NLRP1: variants seen among roughly 807,000 people sequenced by gnomAD.
NLRP1 encodes the protein NLR family pyrin domain containing 1.
A neutral mutation model predicts 136.7 loss-of-function variants in NLRP1; 94 were observed. That is an observed-to-expected ratio of 0.69 (90% CI 0.58 to 0.82). NLRP1 has a LOEUF of 0.82. Among genes scored for constraint, NLRP1 ranks in the 40% least tolerant of loss-of-function variants. NLRP1 has a pLI of 0.00. For missense variants in NLRP1, 1,575 were observed against 1,802.7 expected (o/e 0.87, Z 2.29); for synonymous variants, 690 against 725.1 (o/e 0.95, Z 0.78).
intron 5 of NLRP1, among the ~76,000 whole-genome samples, chr17:5,552,108 T>G (rs1913448320): frequency 9.4e-6 from 1 of 106,944 alleles, no homozygotes; most frequent in Admixed American, 9.7e-5. Context: ...TTTTTTTTTT[T>G]TTTTTTTAAA....
At chr17:5,538,097 G>A (rs935212877) in intron 7 of NLRP1, among the ~76,000 whole-genome samples, 1 of 152,162 alleles carries the variant, frequency 6.6e-6, no homozygotes, top group African/African-American at 2.4e-5. Flanking sequence ...CAGGCTTCCC[G>A]GACCCCCTCT....
In NLRP1 at chr17:5,515,019, C is replaced by T. The variant is rs777520241; in HGVS notation, c.4157G>A (p.Arg1386Gln). Reference protein sequence around the residue: ...PQLLHFVDQYREQLIARVTSV... With the variant: ...PQLLHFVDQYQEQLIARVTSV... Reference sequence around the variant, plus strand: ...TGTCACTCGGGCTATCAGCTGCTCTCGATACTGGTCCACAAAGTGCAGCAA... The same window carrying T: ...TGTCACTCGGGCTATCAGCTGCTCTTGATACTGGTCCACAAAGTGCAGCAA... Residue 1386 changes from arginine to glutamine, a missense_variant, in exon 17 of 17, where the codon CGA becomes CAA. Physicochemically the swap from Arg to Gln is conservative, Grantham distance 43. Transcript: ENST00000572272. The T allele has an allele frequency of 7.4e-6, 12 of 1,614,162 alleles. No homozygotes were observed. The highest frequency in any genetic ancestry group is 3.3e-5 in the South Asian group (3 of 91,074).
Position 5,521,512 on chromosome 17 carries a change from T to A in NLRP1, c.3783+12A>T. ...CCCACCGTGGCCCAGCCTTTCTGGC[T>A]CTTAGTGTCACCTTCCGAATGGAGC... On this transcript the variant is annotated intron_variant, in intron 13 of 16. Transcript: ENST00000572272. 6.2e-7 allele frequency: 1 copy of A among 1,610,128 alleles called. No homozygotes were observed. Among genetic ancestry groups the A allele is most frequent in the Non-Finnish European group, 8.5e-7 (1 of 1,177,428 alleles).
chr17:5,569,547 A>G lies in NLRP1; in HGVS notation c.653-9504T>C, dbSNP rs546070701. ...AAAGAAAGGCATCACATAATAATAAAGGGTTCAATTCAACAAGAAGACTTA... is the reference window on the plus strand; with the variant it reads ...AAAGAAAGGCATCACATAATAATAAGGGGTTCAATTCAACAAGAAGACTTA... On this transcript the variant is annotated intron_variant, in intron 3 of 16. Coordinates refer to ENST00000572272, the MANE Select transcript of NLRP1 (RefSeq NM_033004.4). Among the ~76,000 whole-genome samples the G allele has an allele frequency of 7.2e-4, 110 of 152,328 alleles. 3 individuals are homozygous for G. In the South Asian group the frequency reaches 0.022, roughly 31 times the overall value.
chr17:5,523,831 T>A (rs993392197), intron 12 of NLRP1, among the ~76,000 whole-genome samples: 1 of 152,214 alleles, frequency 6.6e-6, no homozygotes, highest in Admixed American at 6.5e-5. Context: ...TTTAACTGCG[T>A]TTTTGGGATG....
intron 5 of NLRP1, among the ~76,000 whole-genome samples, chr17:5,553,178 C>A (rs1913584953): frequency 6.6e-6 from 1 of 151,982 alleles, no homozygotes; most frequent in Non-Finnish European, 1.5e-5. Context: ...ATTCTTCAGA[C>A]CTCCCTCAAA....
At chr17:5,544,673 G>A (rs1912333094) in intron 5 of NLRP1, among the ~76,000 whole-genome samples, 1 of 152,320 alleles carries the variant, frequency 6.6e-6, no homozygotes, top group East Asian at 1.9e-4. Context: ...ATGGAAGAAA[G>A]AAAAAGCTCT....
rs777369219 is a variant in NLRP1, at chr17:5,541,933, T to G, written c.2623A>C (p.Asn875His). ...TTGGCTCCAGCATCCGTGAGCACAT[T>G]GAAGCTCAGGTCCAGCTCGGTCAGG... The part of the protein sequence containing the change: ...QTLTELDLSF[N>H]VLTDAGAKHL... The change falls in exon 6 of 17, where the codon AAT becomes CAT. Residue 875 changes from asparagine (N) to histidine (H), a missense_variant. Physicochemically the swap from Asn to His is moderately conservative, Grantham distance 68. Transcript: ENST00000572272. The surrounding 1 kb of genome is among the most constrained non-coding windows in gnomAD (Gnocchi z 4.2). The G allele has an allele frequency of 1.2e-6, 2 of 1,613,924 alleles. No homozygotes were observed. Among genetic ancestry groups the G allele is most frequent in the Admixed American group, 3.3e-5 (2 of 60,006 alleles).
chr17:5,532,052 G>C (rs1018017988), intron 11 of NLRP1, among the ~76,000 whole-genome samples: 1 of 152,202 alleles, frequency 6.6e-6, no homozygotes, highest in African/African-American at 2.4e-5. Flanking sequence ...AGACCAGCCT[G>C]TCCAATATGG....
At chr17:5,555,016 A>ATC (rs1416374835) in intron 4 of NLRP1, among the ~76,000 whole-genome samples, 92 of 73,962 alleles carry the variant, frequency 1.2e-3, no homozygotes, top group African/African-American at 5.7e-3. Flanking sequence ...GTGAGATCCC[A>ATC]TCACACACAC....
rs1907832811 is a variant in NLRP1, at chr17:5,514,409, G to A, written c.*345C>T. The A allele has an allele frequency of 8.8e-7, 1 of 1,130,672 alleles. No homozygotes were observed. Among genetic ancestry groups the A allele is most frequent in the Non-Finnish European group, 1.1e-6 (1 of 916,414 alleles). 70.0% of individuals were successfully genotyped at this position (1,130,672 alleles called of 1,614,324 possible). A position where few individuals can be genotyped will look rare whatever the true frequency, so the allele number is the denominator to read the frequency against. On this transcript the variant is annotated 3_prime_UTR_variant, in exon 17 of 17. Transcript: ENST00000572272. ...GGCTCACCCTGTGACACAGCCAGAG[G>A]CAAATGGTTCCATGTCCCTCCTATT...
At position 5,583,977 on chromosome 17, in the gene NLRP1, G is replaced by T. The variant is rs1458876104; in HGVS notation, c.-20C>A. The T allele has an allele frequency of 1.2e-6, 2 of 1,600,922 alleles. No individual in the cohort carries two copies. The highest frequency in any genetic ancestry group is 3.4e-5 in the Admixed American group (2 of 58,790). ...AGCCATCTCTGTCCCGGAGTTAAGA[G>T]GGTGTCTGGGGGATGTTCCCAGGTG... On this transcript the variant is annotated 5_prime_UTR_variant, in exon 1 of 17. Coordinates refer to ENST00000572272, the MANE Select transcript of NLRP1 (RefSeq NM_033004.4). This position sits in a 1 kb window ranked among gnomAD's most constrained non-coding sequence, Gnocchi z 4.5.
chr17:5,514,918 T>A lies in NLRP1; in HGVS notation c.4258A>T (p.Asn1420Tyr), dbSNP rs747817334. The change falls in exon 17 of 17, where the codon AAC becomes TAC. Residue 1420 changes from asparagine to tyrosine, a missense_variant. Physicochemically the swap from Asn to Tyr is moderately radical, Grantham distance 143 (BLOSUM62 -2). Transcript: ENST00000572272. ...TTCCGCATCTGGCTGGGCCTCGTGT[T>A]CTCAGCCAGCACCCTCTCGTACTGC... ...QEQYERVLAE[N>Y]TRPSQMRKLF... 9 of 1,614,030 alleles carry A rather than the reference T, an allele frequency of 5.6e-6. No individual in the cohort carries two copies. Among genetic ancestry groups the A allele is most frequent in the Non-Finnish European group, 7.6e-6 (9 of 1,180,026 alleles).
chr17:5,551,892 C>T (rs1286985581), intron 5 of NLRP1, among the ~76,000 whole-genome samples: 1 of 152,082 alleles, frequency 6.6e-6, no homozygotes, highest in Non-Finnish European at 1.5e-5. Flanking sequence ...GTCTCAGCCT[C>T]CTAAGTAGTT....
At chr17:5,558,101 C>T (rs997408667) in intron 4 of NLRP1, among the ~76,000 whole-genome samples, 1 of 152,102 alleles carries the variant, frequency 6.6e-6, no homozygotes, top group African/African-American at 2.4e-5. Flanking sequence ...GCAGACACGG[C>T]AGGGCCCAGT....
At position 5,538,062 on chromosome 17, in the gene NLRP1, G is replaced by C. The variant is rs549094459; in HGVS notation, c.2871-1122C>G. On this transcript the variant is annotated intron_variant, in intron 7 of 16. Transcript: ENST00000572272. ...TTGACCACTTCTTTAGGTTTGGGAG[G>C]CCTGGCTGAGGAAAGCCCGAGGCCC... is the stretch of plus-strand genomic sequence containing the variant. Among the ~76,000 whole-genome samples, 7 of 152,314 alleles carry C rather than the reference G, an allele frequency of 4.6e-5. No homozygotes were observed. In the Middle Eastern group the frequency reaches 0.017, roughly 370 times the overall value.
intron 4 of NLRP1, among the ~76,000 whole-genome samples, chr17:5,555,056 CG>C (rs1913887083): frequency 1.4e-5 from 2 of 141,446 alleles, no homozygotes; most frequent in Non-Finnish European, 3.1e-5. Context: ...CACACACACA[CG>C]AAAAAAAGCC....
chr17:5,558,938 G>T lies in NLRP1; in HGVS notation c.1758C>A (p.Phe586Leu). The stretch of plus-strand genomic sequence containing the variant: ...CATGCTTCCTGAGGTCATCTGGACT[G>T]AAAAGGGTCTTTTTTTGCCAGATGC... ...AEGIWQKKTLFSPDDLRKHGL... is the reference protein window; with the variant it reads ...AEGIWQKKTLLSPDDLRKHGL... Residue 586 changes from phenylalanine to leucine, a missense_variant, in exon 4 of 17, where the codon TTC becomes TTA. Coordinates refer to ENST00000572272, the MANE Select transcript of NLRP1 (RefSeq NM_033004.4). 6.2e-7 allele frequency: 1 copy of T among 1,614,130 alleles called. No homozygotes were observed. The highest frequency in any genetic ancestry group is 8.5e-7 in the Non-Finnish European group (1 of 1,179,998).
At chr17:5,570,368 T>C (rs1332151449) in intron 3 of NLRP1, among the ~76,000 whole-genome samples, 1 of 117,460 alleles carries the variant, frequency 8.5e-6, no homozygotes, top group Non-Finnish European at 1.9e-5. Flanking sequence ...CTAGCTAGAC[T>C]AATAAAGAAA....
Sources: gnomAD v4.1 joint callset for allele counts (sites outside exome capture counted in the v4.1 genomes callset) on GRCh38, gnomAD v4.1.1 for gene constraint, Gnocchi (gnomAD v3.1) non-coding constraint, MANE v1.5 for transcripts, NCBI Gene and HGNC (gene_info 2026-07-23, HGNC 2026-07-21) for gene names.